The following RIN2 variants were observed in gnomAD, a reference collection of about 807,000 sequenced individuals.
The protein encoded by RIN2 is Ras and Rab interactor 2.
A neutral mutation model predicts 78.0 loss-of-function variants in RIN2; 36 were observed. That is an observed-to-expected ratio of 0.46 (90% CI 0.35 to 0.61). The LOEUF (loss-of-function observed/expected upper bound fraction) is 0.61, where lower values mean the gene tolerates loss of function less well. Among genes scored for constraint, RIN2 ranks in the 20% least tolerant of loss-of-function variants. The pLI is 0.00. For missense variants in RIN2, 1,087 were observed against 1,159.7 expected, an observed-to-expected ratio of 0.94 and a Z score of 0.91; for synonymous variants, 466 against 466.8, an observed-to-expected ratio of 1.00 and a Z score of 0.02.
rs538662894 is a variant in RIN2, at chr20:19,954,566, T to C, written c.159-2049T>C. 2.8e-4 allele frequency among the ~76,000 whole-genome samples: 43 copies of C among 152,314 alleles called. No individual in the cohort carries two copies. In the Middle Eastern group the frequency reaches 0.01, roughly 36 times the overall value. ...CCTTGAGCAAGATCCTGACCTGAGC[T>C]AAGACTCCTGGTCCTCTCTGTAAAA... On this transcript the variant is annotated intron_variant, in intron 4 of 12. Coordinates refer to ENST00000255006, the MANE Select transcript of RIN2 (RefSeq NM_018993.4).
chr20:19,980,980 T>G (rs750048664), intron 9 of RIN2, among the ~76,000 whole-genome samples: 1 of 152,248 alleles, frequency 6.6e-6, no homozygotes, highest in South Asian at 2.1e-4. Context: ...ATGAATTAAA[T>G]GCATCCCTGT....
rs190375604 is a variant in RIN2, at chr20:19,794,134, T to A, written c.-162-5488T>A. Among the ~76,000 whole-genome samples the A allele has an allele frequency of 4.8e-3, 723 of 151,742 alleles. 1 individual carries two copies. Among genetic ancestry groups the A allele is most frequent in the African/African-American group, 0.017 (687 of 41,294 alleles). On this transcript the variant is annotated intron_variant, in intron 1 of 12. Transcript: ENST00000255006. ...CCCAAGATCACAAGGATCCAAAGAA[T>A]AATGCATCTATAGTCAACATGTACA...
intron 4 of RIN2, among the ~76,000 whole-genome samples, chr20:19,939,444 C>T (rs966407404): frequency 2.0e-5 from 3 of 152,210 alleles, no homozygotes; most frequent in Non-Finnish European, 4.4e-5. Context: ...TCCACTTTCT[C>T]CAGGCTATTA....
chr20:19,772,631 A>T (rs2034171439), intron 1 of RIN2, among the ~76,000 whole-genome samples: 1 of 152,182 alleles, frequency 6.6e-6, no homozygotes, highest in African/African-American at 2.4e-5. Context: ...CCCAGCAGCT[A>T]AAAGGGTCCC....
At chr20:19,882,402 A>C (rs1169167728) in intron 2 of RIN2, among the ~76,000 whole-genome samples, 5 of 152,244 alleles carry the variant, frequency 3.3e-5, no homozygotes, top group African/African-American at 1.2e-4. Context: ...AATTAAATGA[A>C]TAGCTATATG....
At position 19,807,327 on chromosome 20, in the gene RIN2, A is replaced by C. The variant is rs117927193; in HGVS notation, c.-37+7580A>C. Among the ~76,000 whole-genome samples, 40 of 152,328 alleles carry C rather than the reference A, an allele frequency of 2.6e-4. No homozygotes were observed. The East Asian group carries it at 7.3e-3, about 28-fold the overall frequency. ...TAAGGCAATCTACCATGCTTCCTCT[A>C]TCTTATGCCAAATTGGGCAAACATG... is the stretch of plus-strand genomic sequence containing the variant. On this transcript the variant is annotated intron_variant, in intron 2 of 12. Transcript: ENST00000255006.
At chr20:19,836,886 A>G (rs1394344174) in intron 2 of RIN2, among the ~76,000 whole-genome samples, 2 of 152,302 alleles carry the variant, frequency 1.3e-5, no homozygotes, top group South Asian at 2.1e-4. Context: ...TAATCACATT[A>G]TTATAAAAAG....
intron 2 of RIN2, among the ~76,000 whole-genome samples, chr20:19,870,454 C>T (rs1464815575): frequency 6.6e-6 from 1 of 152,090 alleles, no homozygotes; most frequent in Non-Finnish European, 1.5e-5. Context: ...CAAAACCAGC[C>T]TGGCCAACAT....
intron 2 of RIN2, among the ~76,000 whole-genome samples, chr20:19,882,991 T>G (rs2038071447): frequency 6.6e-6 from 1 of 152,194 alleles, no homozygotes; most frequent in Admixed American, 6.5e-5. Context: ...TAGCTAAGTT[T>G]TGGGGGAGTT....
At chr20:19,818,073 T>G (rs2035817640) in intron 2 of RIN2, among the ~76,000 whole-genome samples, 1 of 150,756 alleles carries the variant, frequency 6.6e-6, no homozygotes, top group African/African-American at 2.5e-5. Context: ...TATAGTCTCT[T>G]GCTTCTGAGT....
chr20:19,974,001 A>G (rs557672471), intron 8 of RIN2, among the ~76,000 whole-genome samples: 62 of 152,316 alleles, frequency 4.1e-4, no homozygotes, highest in African/African-American at 1.4e-3. Context: ...TTTGGGAAGG[A>G]GGGACTCCAA....
At chr20:19,811,000 C>A (rs2035581623) in intron 2 of RIN2, among the ~76,000 whole-genome samples, 1 of 151,234 alleles carries the variant, frequency 6.6e-6, no homozygotes, top group Non-Finnish European at 1.5e-5. Context: ...CGTGAACCAC[C>A]GTGCCCGGCC....
At chr20:19,777,987 C>T (rs1273490587) in intron 1 of RIN2, among the ~76,000 whole-genome samples, 1 of 152,178 alleles carries the variant, frequency 6.6e-6, no homozygotes. Context: ...AAAAGGCTAA[C>T]GATGCTACAG....
intron 2 of RIN2, among the ~76,000 whole-genome samples, chr20:19,804,667 G>T (rs57347369): frequency 0.11 from 16,099 of 152,000 alleles, 909 homozygotes; most frequent in South Asian, 0.18. Context: ...TTATTTTTTT[G>T]TTGTATCTCT....
chr20:19,836,951 A>T (rs4814906), intron 2 of RIN2, among the ~76,000 whole-genome samples: 1 of 151,978 alleles, frequency 6.6e-6, no homozygotes, highest in African/African-American at 2.4e-5. Context: ...AGGAATGGGA[A>T]GATATTGAAA....
chr20:19,884,371 C>T (rs931919613), intron 2 of RIN2, among the ~76,000 whole-genome samples: 1 of 152,040 alleles, frequency 6.6e-6, no homozygotes, highest in Non-Finnish European at 1.5e-5. Context: ...GGGCAGTGAG[C>T]CGTGACTGCA....
At chr20:19,900,631 TA>T (rs569811826) in intron 3 of RIN2, among the ~76,000 whole-genome samples, 3 of 140,682 alleles carry the variant, frequency 2.1e-5, no homozygotes, top group Non-Finnish European at 3.1e-5. Flanking sequence ...TCTACTACAT[TA>T]AAAAAAAAGA....
At chr20:19,839,540 G>C (rs1389413740) in intron 2 of RIN2, among the ~76,000 whole-genome samples, 1 of 152,196 alleles carries the variant, frequency 6.6e-6, no homozygotes, top group Non-Finnish European at 1.5e-5. Context: ...TTCTCTACCA[G>C]GGGCTATTTA....
chr20:19,801,717 C>A (rs2035249377), intron 2 of RIN2, among the ~76,000 whole-genome samples: 1 of 152,206 alleles, frequency 6.6e-6, no homozygotes, highest in South Asian at 2.1e-4. Context: ...CTCTTTTCTT[C>A]TAGCAAAGAC....
Sources: gnomAD v4.1 joint callset for allele counts (sites outside exome capture counted in the v4.1 genomes callset) on GRCh38, gnomAD v4.1.1 for gene constraint, MANE v1.5 for transcripts, NCBI Gene and HGNC (gene_info 2026-07-23, HGNC 2026-07-21) for gene names.